Variants in PVT1 observed in about 807,000 individuals in gnomAD.
PVT1 encodes Pvt1 oncogene.
At chr8:127,942,306 C>T (rs1816362458) in intron 3 of PVT1, among the ~76,000 whole-genome samples, 1 of 152,178 alleles carries the variant, frequency 6.6e-6, no homozygotes, top group Non-Finnish European at 1.5e-5. Context: ...CTAAGGTCAT[C>T]AAGCTGGCAT....
intron 5 of PVT1, among the ~76,000 whole-genome samples, chr8:128,092,534 G>T (rs1326398319): frequency 1.3e-5 from 2 of 152,230 alleles, no homozygotes; most frequent in Non-Finnish European, 2.9e-5. Context: ...CATACGTCAT[G>T]CCCTGAAGCG....
chr8:127,885,864 G>C lies in PVT1; in HGVS notation n.373-4725G>C, dbSNP rs540116057. 9.2e-5 allele frequency among the ~76,000 whole-genome samples: 14 copies of C among 152,162 alleles called. No individual in the cohort carries two copies. In the South Asian group the frequency reaches 2.3e-3, roughly 25 times the overall value. On this transcript the variant is annotated intron_variant and non_coding_transcript_variant, in intron 2 of 10. Coordinates refer to ENST00000651587, the Ensembl canonical transcript of PVT1. Reference sequence around the variant, plus strand: ...GTACTTCCTTCTTCTTTTCTCTTAGGGGCTGTTTAGATACTTGAGCTTCCT... The same window carrying C: ...GTACTTCCTTCTTCTTTTCTCTTAGCGGCTGTTTAGATACTTGAGCTTCCT...
At chr8:127,840,967 A>G (rs755420516) in intron 2 of PVT1, among the ~76,000 whole-genome samples, 6 of 152,242 alleles carry the variant, frequency 3.9e-5, no homozygotes, top group Non-Finnish European at 7.3e-5. Context: ...GCTGTGACCA[A>G]GGCACCAAGT....
chr8:127,999,739 G>A, intron 4 of PVT1, among the ~76,000 whole-genome samples: 1 of 152,226 alleles, frequency 6.6e-6, no homozygotes, highest in East Asian at 1.9e-4. Flanking sequence ...TGGGGTTACA[G>A]GCGTGAGTCA....
At chr8:128,041,055 G>A (rs1247173138) in intron 4 of PVT1, among the ~76,000 whole-genome samples, 1 of 150,304 alleles carries the variant, frequency 6.7e-6, no homozygotes, top group Non-Finnish European at 1.5e-5. Flanking sequence ...GTGTGTTTGT[G>A]TGTTTTGTGC....
intron 3 of PVT1, among the ~76,000 whole-genome samples, chr8:127,891,648 A>T (rs1815604027): frequency 6.6e-6 from 1 of 152,240 alleles, no homozygotes; most frequent in South Asian, 2.1e-4. Flanking sequence ...ACAGACACTC[A>T]GCATGTGGTG....
At chr8:128,098,675 G>A (rs1814459616) in intron 6 of PVT1, among the ~76,000 whole-genome samples, 1 of 152,180 alleles carries the variant, frequency 6.6e-6, no homozygotes, top group African/African-American at 2.4e-5. Flanking sequence ...ATGGTTCCTG[G>A]CACTTTGTAA....
rs148151862 is a variant in PVT1 at position 128,035,414 on chromosome 8, T to A, written n.913-34746T>A. Among the ~76,000 whole-genome samples, 10 of 152,326 alleles carry A rather than the reference T, an allele frequency of 6.6e-5. No homozygotes were observed. In the East Asian group the frequency reaches 1.9e-3, roughly 29 times the overall value. ...TCAGCCTTCCTTGGACCTGAGCCCA[T>A]CTGTCTCTGCTCTCACACTTTGTGG... is the stretch of plus-strand genomic sequence containing the variant. On this transcript the variant is annotated intron_variant and non_coding_transcript_variant, in intron 4 of 10. Coordinates refer to ENST00000651587, the Ensembl canonical transcript of PVT1.
At chr8:127,940,719 G>T (rs922997318) in intron 3 of PVT1, among the ~76,000 whole-genome samples, 4 of 152,008 alleles carry the variant, frequency 2.6e-5, no homozygotes, top group Non-Finnish European at 5.9e-5. Context: ...TCCCACCTCA[G>T]CCTCCAGAGT....
At chr8:127,857,323 C>G (rs990204181) in intron 2 of PVT1, among the ~76,000 whole-genome samples, 1 of 151,912 alleles carries the variant, frequency 6.6e-6, no homozygotes, top group African/African-American at 2.4e-5. Context: ...CTCTTTTGGG[C>G]TCTTGATGAC....
intron 5 of PVT1, among the ~76,000 whole-genome samples, chr8:128,079,428 T>G (rs1814144873): frequency 6.6e-6 from 1 of 152,154 alleles, no homozygotes; most frequent in Admixed American, 6.5e-5. Context: ...TATGGTACAT[T>G]TTTTACAATT....
chr8:128,042,648 T>C (rs1476026107), intron 4 of PVT1, among the ~76,000 whole-genome samples: 1 of 152,216 alleles, frequency 6.6e-6, no homozygotes, highest in Non-Finnish European at 1.5e-5. Context: ...GTAATGGTAG[T>C]TCTGGTACTG....
chr8:127,993,505 G>A lies in PVT1; in HGVS notation n.912+4214G>A, dbSNP rs554563507. Among the ~76,000 whole-genome samples, 24 of 152,250 alleles carry A rather than the reference G, an allele frequency of 1.6e-4. No homozygotes were observed. The South Asian group carries it at 1.9e-3, about 12-fold the overall frequency. ...AATAGTCAATTCTTATCCTCTCTCC[G>A]GGGGGATTTATTCTGTCTCCAGAAG... On this transcript the variant is annotated intron_variant and non_coding_transcript_variant, in intron 4 of 10. Transcript: ENST00000651587.
At chr8:127,841,082 G>A (rs1319163430) in intron 2 of PVT1, among the ~76,000 whole-genome samples, 1 of 152,158 alleles carries the variant, frequency 6.6e-6, no homozygotes, top group African/African-American at 2.4e-5. Context: ...CTGTCTTTGA[G>A]TCCTCAGTCC....
chr8:128,041,098 TTG>T (rs1372979160), intron 4 of PVT1, among the ~76,000 whole-genome samples: 3 of 150,664 alleles, frequency 2.0e-5, no homozygotes, highest in African/African-American at 7.3e-5. Context: ...TTGTGTGTGC[TTG>T]TGTGTGATTG....
intron 4 of PVT1, among the ~76,000 whole-genome samples, chr8:128,043,773 T>TACACACACAC (rs112991135): frequency 2.4e-4 from 34 of 140,792 alleles, no homozygotes; most frequent in African/African-American, 9.4e-4. Flanking sequence ...AACTATTTCC[T>TACACACACAC]ACACACACAC....
chr8:127,880,439 G>A (rs1173867353), intron 2 of PVT1, among the ~76,000 whole-genome samples: 1 of 150,270 alleles, frequency 6.7e-6, no homozygotes, highest in Non-Finnish European at 1.5e-5. Context: ...ACAGGCGCTC[G>A]CCACCACGCC....
At chr8:127,922,003 A>T (rs1222719776) in intron 3 of PVT1, among the ~76,000 whole-genome samples, 3 of 150,922 alleles carry the variant, frequency 2.0e-5, no homozygotes, top group Non-Finnish European at 1.5e-5. Flanking sequence ...TAGGACTACA[A>T]GCATGTGCCA....
At chr8:127,813,739 C>G (rs1237665481) in intron 2 of PVT1, among the ~76,000 whole-genome samples, 1 of 152,166 alleles carries the variant, frequency 6.6e-6, no homozygotes, top group Non-Finnish European at 1.5e-5. Flanking sequence ...TCACCTCTGG[C>G]TCCTTCAACA....
Sources: gnomAD v4.1 joint callset for allele counts (sites outside exome capture counted in the v4.1 genomes callset) on GRCh38, gnomAD v4.1.1 for gene constraint, MANE v1.5 for transcripts, NCBI Gene and HGNC (gene_info 2026-07-23, HGNC 2026-07-21) for gene names.